Variants in THSD7A observed in about 807,000 individuals in gnomAD.
THSD7A encodes the protein thrombospondin type 1 domain containing 7A.
In THSD7A, 96 loss-of-function variants were observed where a neutral mutation model predicts 231.3. That is an observed-to-expected ratio of 0.41 (90% CI 0.35 to 0.49). THSD7A has a LOEUF of 0.49. Among genes scored for constraint, THSD7A ranks in the 20% least tolerant of loss-of-function variants. The pLI, the probability that THSD7A is intolerant of heterozygous loss-of-function variation, is 0.05. For synonymous variants in THSD7A, 940 were observed against 743.3 expected, an observed-to-expected ratio of 1.26 and a Z score of -4.30; for missense variants, 2,290 against 2,070.2, an observed-to-expected ratio of 1.11 and a Z score of -2.06.
At chr7:11,476,266 A>C (rs962021901) in intron 7 of THSD7A, among the ~76,000 whole-genome samples, 2 of 151,650 alleles carry the variant, frequency 1.3e-5, no homozygotes, top group Non-Finnish European at 2.9e-5. Context: ...TAAGGCAAGA[A>C]TATTAAAAAG....
chr7:11,654,501 G>T (rs1445127478), intron 1 of THSD7A, among the ~76,000 whole-genome samples: 2 of 151,858 alleles, frequency 1.3e-5, no homozygotes, highest in Admixed American at 1.3e-4. Context: ...TGAAGCAATA[G>T]ATCTTATTCA....
At chr7:11,685,194 T>C (rs1248410959) in intron 1 of THSD7A, among the ~76,000 whole-genome samples, 1 of 151,726 alleles carries the variant, frequency 6.6e-6, no homozygotes, top group Non-Finnish European at 1.5e-5. Flanking sequence ...AAACTTGACC[T>C]ATACCTCTCA....
At chr7:11,546,203 C>T (rs1189732732) in intron 4 of THSD7A, among the ~76,000 whole-genome samples, 2 of 34,936 alleles carry the variant, frequency 5.7e-5, no homozygotes, top group South Asian at 2.2e-3. Flanking sequence ...TGGGCGCGCG[C>T]TCACACACAC....
At chr7:11,810,973 C>T (rs372813383) in intron 1 of THSD7A, among the ~76,000 whole-genome samples, 69 of 152,256 alleles carry the variant, frequency 4.5e-4, no homozygotes, top group Middle Eastern at 3.4e-3. Context: ...CCAGAATTTC[C>T]TCATTGTTCT....
At chr7:11,429,862 T>C (rs1043034573) in intron 13 of THSD7A, among the ~76,000 whole-genome samples, 3 of 152,218 alleles carry the variant, frequency 2.0e-5, no homozygotes, top group South Asian at 2.1e-4. Flanking sequence ...AATCCAGTAC[T>C]CATTCCATCA....
chr7:11,412,441 G>A (rs1562589883), intron 18 of THSD7A, among the ~76,000 whole-genome samples: 1 of 152,060 alleles, frequency 6.6e-6, no homozygotes, highest in African/African-American at 2.4e-5. Flanking sequence ...AAGGGCTAAT[G>A]TCTGTTGACA....
chr7:11,750,533 G>A (rs922263598), intron 1 of THSD7A, among the ~76,000 whole-genome samples: 3 of 151,950 alleles, frequency 2.0e-5, no homozygotes, highest in African/African-American at 7.2e-5. Flanking sequence ...CAATATTGGA[G>A]GGACTGCCAA....
At chr7:11,569,303 A>G (rs1790522142) in intron 4 of THSD7A, among the ~76,000 whole-genome samples, 1 of 152,306 alleles carries the variant, frequency 6.6e-6, no homozygotes, top group East Asian at 1.9e-4. Context: ...ACTAACGTCT[A>G]GAATATACAA....
At chr7:11,558,018 G>C (rs1426333840) in intron 4 of THSD7A, among the ~76,000 whole-genome samples, 2 of 152,090 alleles carry the variant, frequency 1.3e-5, no homozygotes, top group Non-Finnish European at 2.9e-5. Context: ...TGCTAAGTTG[G>C]TCTTTTATTT....
chr7:11,786,789 A>G (rs1019269375), intron 1 of THSD7A, among the ~76,000 whole-genome samples: 58 of 150,858 alleles, frequency 3.8e-4, no homozygotes, highest in African/African-American at 1.4e-3. Flanking sequence ...AAGAAAAACC[A>G]ATGTAATGCT....
Position 11,407,009 on chromosome 7 carries a change from A to G in THSD7A, c.3963T>C (p.Asp1321=). ...RRTVTQPFQG[D]GRPCPSLMDQ... ...CCATCAGGGAAGGGCATGGTCTTCC[A>G]TCACCTTGAAAGGGCTGGGTCACTG... Residue 1321 remains aspartate, a synonymous_variant, in exon 21 of 28, where the codon GAT becomes GAC. Coordinates refer to ENST00000423059, the MANE Select transcript of THSD7A (RefSeq NM_015204.3). 6.2e-7 allele frequency: 1 copy of G among 1,613,904 alleles called. No individual in the cohort carries two copies. The highest frequency in any genetic ancestry group is 1.7e-5 in the Admixed American group (1 of 59,994).
intron 1 of THSD7A, among the ~76,000 whole-genome samples, chr7:11,817,814 A>G (rs1159729398): frequency 6.6e-6 from 1 of 152,236 alleles, no homozygotes; most frequent in Non-Finnish European, 1.5e-5. Flanking sequence ...CCTAATAAAT[A>G]ACAAAATTAG....
At chr7:11,416,064 T>C (rs1783949174) in intron 17 of THSD7A, among the ~76,000 whole-genome samples, 1 of 152,210 alleles carries the variant, frequency 6.6e-6, no homozygotes, top group South Asian at 2.1e-4. Context: ...GGTTTTTCTT[T>C]AAAGAAATAT....
chr7:11,502,765 C>G (rs1787389631), intron 6 of THSD7A, among the ~76,000 whole-genome samples: 1 of 152,026 alleles, frequency 6.6e-6, no homozygotes, highest in African/African-American at 2.4e-5. Flanking sequence ...TGGAAGATCT[C>G]TAAAATAATT....
chr7:11,582,795 G>GT (rs1791222375), intron 4 of THSD7A, among the ~76,000 whole-genome samples: 1 of 152,066 alleles, frequency 6.6e-6, no homozygotes, highest in African/African-American at 2.4e-5. Context: ...TGTAAATAAT[G>GT]TTTTTCTTGT....
chr7:11,638,364 A>T (rs58706078), intron 1 of THSD7A, among the ~76,000 whole-genome samples: 4,060 of 152,304 alleles, frequency 0.027, 171 homozygotes, highest in African/African-American at 0.093. Context: ...TCTCTTGGAC[A>T]TTAGAGCTTT....
chr7:11,598,266 G>A (rs1780436030), intron 2 of THSD7A, among the ~76,000 whole-genome samples: 1 of 152,198 alleles, frequency 6.6e-6, no homozygotes, highest in Non-Finnish European at 1.5e-5. Flanking sequence ...TTGGGGAAGA[G>A]GTGTATGGAT....
At chr7:11,558,974 A>G (rs1354395475) in intron 4 of THSD7A, among the ~76,000 whole-genome samples, 1 of 114,844 alleles carries the variant, frequency 8.7e-6, no homozygotes, top group East Asian at 2.7e-4. Flanking sequence ...GAAAGATGAG[A>G]TGGAAGAAAA....
chr7:11,693,253 G>A (rs1257867800), intron 1 of THSD7A, among the ~76,000 whole-genome samples: 2 of 151,450 alleles, frequency 1.3e-5, no homozygotes, highest in Admixed American at 6.6e-5. Flanking sequence ...ACACATTACT[G>A]TGAAATGTTG....
Sources: gnomAD v4.1 joint callset for allele counts (sites outside exome capture counted in the v4.1 genomes callset) on GRCh38, gnomAD v4.1.1 for gene constraint, MANE v1.5 for transcripts, NCBI Gene and HGNC (gene_info 2026-07-23, HGNC 2026-07-21) for gene names.